The following WWOX variants were observed in gnomAD, a reference collection of about 807,000 sequenced individuals.
WWOX encodes the protein WW domain-containing oxidoreductase.
A neutral mutation model predicts 46.2 loss-of-function variants in WWOX; 69 were observed. That is an observed-to-expected ratio of 1.49 (90% CI 1.23 to 1.82). The LOEUF (loss-of-function observed/expected upper bound fraction) is 1.82, where lower values mean the gene tolerates loss of function less well. WWOX is among the 40% of genes most tolerant of loss of function. The pLI is 0.00. For missense variants in WWOX, 919 were observed against 542.6 expected (o/e 1.69, Z -6.89); for synonymous variants, 359 against 202.6 (o/e 1.77, Z -6.56).
In WWOX at chr16:78,485,605, C is replaced by G. The variant is rs1216249905; in HGVS notation, c.1056+52853C>G. 2.0e-5 allele frequency among the ~76,000 whole-genome samples: 3 copies of G among 152,290 alleles called. No individual in the cohort carries two copies. The South Asian group carries it at 6.2e-4, about 32-fold the overall frequency. ...ATGGGGAGGGGAGCCTGTCTCACAG[C>G]ACGCATTTGTTCAGCTCTGTGTTGA... On this transcript the variant is annotated intron_variant, in intron 8 of 8. Transcript: ENST00000566780.
At position 78,772,428 on chromosome 16, in the gene WWOX, T is replaced by A. The variant is rs185980786; in HGVS notation, c.1056+339676T>A. ...TGGTGTATATTCACTACTTTTTTTT[T>A]AATCCAATCTGTCATTTGTGGACAT... On this transcript the variant is annotated intron_variant, in intron 8 of 8. Coordinates refer to ENST00000566780, the MANE Select transcript of WWOX (RefSeq NM_016373.4). Among the ~76,000 whole-genome samples the A allele has an allele frequency of 2.0e-3, 302 of 152,330 alleles. 1 individual carries two copies. The highest frequency in any genetic ancestry group is 6.1e-3 in the African/African-American group (255 of 41,570).
chr16:78,284,725 G>T (rs913874983), intron 5 of WWOX, among the ~76,000 whole-genome samples: 3 of 152,130 alleles, frequency 2.0e-5, no homozygotes, highest in African/African-American at 7.2e-5. Context: ...CAAGTCCTTT[G>T]CAGAATTTCC....
At chr16:78,402,886 C>A (rs1253907513) in intron 6 of WWOX, among the ~76,000 whole-genome samples, 1 of 152,208 alleles carries the variant, frequency 6.6e-6, no homozygotes, top group African/African-American at 2.4e-5. Context: ...TCCACTACCA[C>A]ATGTGAATTA....
rs187179179 is a variant in WWOX, at chr16:78,531,645, C to G, written c.1056+98893C>G. Among the ~76,000 whole-genome samples, 643 of 152,154 alleles carry G rather than the reference C, an allele frequency of 4.2e-3. 1 individual carries two copies. The highest frequency in any genetic ancestry group is 0.014 in the African/African-American group (590 of 41,502). The stretch of plus-strand genomic sequence containing the variant: ...ATCACTTGAGGTCAGGAGTTCGAGA[C>G]TAGCCTGGCCAACATGGTGAAACCC... On this transcript the variant is annotated intron_variant, in intron 8 of 8. Coordinates refer to ENST00000566780, the MANE Select transcript of WWOX (RefSeq NM_016373.4).
chr16:78,110,889 C>T (rs1472641832), intron 3 of WWOX, among the ~76,000 whole-genome samples: 3 of 152,182 alleles, frequency 2.0e-5, no homozygotes, highest in Non-Finnish European at 4.4e-5. Flanking sequence ...GTACTCTTGA[C>T]CACCGTAGTT....
chr16:78,924,803 G>A (rs1032057162), intron 8 of WWOX, among the ~76,000 whole-genome samples: 2 of 152,086 alleles, frequency 1.3e-5, no homozygotes, highest in African/African-American at 2.4e-5. Flanking sequence ...ATCTCTTTTA[G>A]ACTACTAGTG....
rs564096850 is a variant in WWOX at position 78,703,225 on chromosome 16, G to C, written c.1056+270473G>C. Among the ~76,000 whole-genome samples the C allele has an allele frequency of 5.9e-5, 9 of 152,168 alleles. No homozygotes were observed. The South Asian group carries it at 1.7e-3, about 28-fold the overall frequency. On this transcript the variant is annotated intron_variant, in intron 8 of 8. Transcript: ENST00000566780. ...ACAAGAGTCTGTCTCTTTTCTCTGTGTGTCATAACTACCCACATTCACCCC... is the reference window on the plus strand; with the variant it reads ...ACAAGAGTCTGTCTCTTTTCTCTGTCTGTCATAACTACCCACATTCACCCC...
chr16:78,916,881 T>C (rs2045264149), intron 8 of WWOX, among the ~76,000 whole-genome samples: 1 of 152,194 alleles, frequency 6.6e-6, no homozygotes, highest in South Asian at 2.1e-4. Flanking sequence ...CAAACAGGCT[T>C]AATTAACTGA....
chr16:78,427,959 T>C (rs149361425), intron 7 of WWOX, among the ~76,000 whole-genome samples: 1,952 of 151,132 alleles, frequency 0.013, 23 homozygotes, highest in Middle Eastern at 0.031. Context: ...TCCCAGCTAT[T>C]TGGGAGGCTG....
intron 8 of WWOX, among the ~76,000 whole-genome samples, chr16:78,960,850 T>A (rs1296441866): frequency 6.6e-6 from 1 of 152,230 alleles, no homozygotes; most frequent in East Asian, 1.9e-4. Flanking sequence ...TCAGTTGCTT[T>A]ATTTACTGTA....
At chr16:78,845,495 G>T (rs990991265) in intron 8 of WWOX, among the ~76,000 whole-genome samples, 1 of 152,098 alleles carries the variant, frequency 6.6e-6, no homozygotes, top group African/African-American at 2.4e-5. Flanking sequence ...TCTTTTACAG[G>T]CTTAGCATAA....
At chr16:78,317,124 C>A (rs1341742147) in intron 5 of WWOX, among the ~76,000 whole-genome samples, 1 of 152,114 alleles carries the variant, frequency 6.6e-6, no homozygotes, top group Non-Finnish European at 1.5e-5. Flanking sequence ...GACCATCTCA[C>A]CCGTCCAAAG....
rs371090657 is a variant in WWOX, at chr16:78,219,126, A to G, written c.516+54837A>G. On this transcript the variant is annotated intron_variant, in intron 5 of 8. Coordinates refer to ENST00000566780, the MANE Select transcript of WWOX (RefSeq NM_016373.4). ...AGATGGAATTTTCCAATTCCCTCCT[A>G]CATGATAGAGACTAGGTGAAGGGAG... Among the ~76,000 whole-genome samples, 67 of 152,178 alleles carry G rather than the reference A, an allele frequency of 4.4e-4. 1 individual carries two copies. Among genetic ancestry groups the G allele is most frequent in the Admixed American group, 2.0e-3 (30 of 15,272 alleles).
intron 8 of WWOX, among the ~76,000 whole-genome samples, chr16:78,919,528 T>TG (rs2045329218): frequency 6.7e-6 from 1 of 149,892 alleles, no homozygotes; most frequent in African/African-American, 2.5e-5. Flanking sequence ...TGTTTTGTTT[T>TG]TTTTTTTTTT....
intron 8 of WWOX, among the ~76,000 whole-genome samples, chr16:78,830,076 A>G (rs531016810): frequency 8.5e-5 from 13 of 152,260 alleles, no homozygotes; most frequent in Admixed American, 8.5e-4. Flanking sequence ...TGGGTAACAT[A>G]GTAACATAGG....
intron 5 of WWOX, among the ~76,000 whole-genome samples, chr16:78,375,590 T>C (rs1170529043): frequency 1.3e-5 from 2 of 152,228 alleles, no homozygotes; most frequent in Non-Finnish European, 2.9e-5. Context: ...TTTTCTTTCA[T>C]AGTCTCCGTA....
intron 8 of WWOX, among the ~76,000 whole-genome samples, chr16:79,117,770 C>G (rs963320418): frequency 1.3e-5 from 2 of 152,224 alleles, no homozygotes; most frequent in Admixed American, 6.5e-5. Flanking sequence ...GGCTTTCTTC[C>G]TTAAACCTCA....
chr16:78,763,600 C>T (rs1402168615), intron 8 of WWOX, among the ~76,000 whole-genome samples: 1 of 152,220 alleles, frequency 6.6e-6, no homozygotes, highest in African/African-American at 2.4e-5. Context: ...TGCCGAGTTG[C>T]TGTCATTGAA....
intron 5 of WWOX, among the ~76,000 whole-genome samples, chr16:78,330,105 C>T (rs980481347): frequency 3.9e-5 from 6 of 151,962 alleles, no homozygotes; most frequent in Non-Finnish European, 5.9e-5. Context: ...GTCCTTAACG[C>T]GTAAATGTTT....
Sources: allele counts gnomAD v4.1 joint callset (sites outside exome capture counted in the v4.1 genomes callset), GRCh38; gene constraint gnomAD v4.1.1; transcripts MANE v1.5; gene names NCBI Gene and HGNC (gene_info 2026-07-23, HGNC 2026-07-21).